The following PDSS2 variants were observed in gnomAD, a reference collection of about 807,000 sequenced individuals.
The protein encoded by PDSS2 is all trans-polyprenyl-diphosphate synthase PDSS2.
Under a neutral mutation model 44.5 loss-of-function variants are expected in PDSS2, and 31 were observed. That is an observed-to-expected ratio of 0.70 (90% CI 0.52 to 0.94). The LOEUF (loss-of-function observed/expected upper bound fraction) is 0.94. Ranked by LOEUF, PDSS2 falls within the 40% of genes least tolerant of loss-of-function variation. PDSS2 has a pLI of 0.00. For missense variants in PDSS2, 452 were observed against 482.2 expected, an observed-to-expected ratio of 0.94 and a Z score of 0.59; for synonymous variants, 157 against 180.3, an observed-to-expected ratio of 0.87 and a Z score of 1.03.
chr6:107,191,896 G>A (rs192767216), intron 7 of PDSS2, among the ~76,000 whole-genome samples: 129 of 152,306 alleles, frequency 8.5e-4, no homozygotes, highest in Non-Finnish European at 1.5e-3. Context: ...AGAGGTATGA[G>A]CCACTGCACC....
intron 3 of PDSS2, among the ~76,000 whole-genome samples, chr6:107,257,982 T>G (rs919600734): frequency 1.3e-5 from 2 of 152,230 alleles, no homozygotes; most frequent in African/African-American, 4.8e-5. Context: ...TTTTTTTGAA[T>G]TAACAATACT....
intron 2 of PDSS2, among the ~76,000 whole-genome samples, chr6:107,289,968 T>C (rs1231867282): frequency 1.3e-5 from 2 of 152,134 alleles, no homozygotes; most frequent in Non-Finnish European, 2.9e-5. Flanking sequence ...AAAAATGTTT[T>C]TTGTAGAGAC....
At chr6:107,351,777 A>G (rs939368809) in intron 1 of PDSS2, among the ~76,000 whole-genome samples, 2 of 152,182 alleles carry the variant, frequency 1.3e-5, no homozygotes, top group Non-Finnish European at 2.9e-5. Flanking sequence ...TTTCCAAAAA[A>G]GCTATTATTC....
chr6:107,241,736 T>C (rs1468327010), intron 4 of PDSS2, among the ~76,000 whole-genome samples: 1 of 152,206 alleles, frequency 6.6e-6, no homozygotes, highest in East Asian at 1.9e-4. Context: ...CTTAGTCACA[T>C]ATATGCTATT....
At chr6:107,456,545 A>G (rs775262539) in intron 1 of PDSS2, among the ~76,000 whole-genome samples, 1 of 152,178 alleles carries the variant, frequency 6.6e-6, no homozygotes, top group Non-Finnish European at 1.5e-5. Context: ...AAAAATAACA[A>G]TGTAATTTTA....
intron 4 of PDSS2, among the ~76,000 whole-genome samples, chr6:107,232,661 T>C (rs1774089935): frequency 1.3e-5 from 2 of 152,174 alleles, no homozygotes; most frequent in Admixed American, 1.3e-4. Flanking sequence ...ATAGTTGGCC[T>C]CTCCACTGAG....
At chr6:107,360,415 A>G in intron 1 of PDSS2, among the ~76,000 whole-genome samples, 1 of 152,318 alleles carries the variant, frequency 6.6e-6, no homozygotes, top group Admixed American at 6.5e-5. Context: ...ACTAAGAGAG[A>G]AAAGATGGAA....
At chr6:107,275,178 C>CT (rs1322674714) in intron 2 of PDSS2, among the ~76,000 whole-genome samples, 1 of 152,140 alleles carries the variant, frequency 6.6e-6, no homozygotes, top group African/African-American at 2.4e-5. Context: ...ATGTTTGTTC[C>CT]TTTTTTATAC....
chr6:107,298,382 C>T (rs144368876), intron 2 of PDSS2, among the ~76,000 whole-genome samples: 446 of 152,216 alleles, frequency 2.9e-3, no homozygotes, highest in African/African-American at 0.01. Context: ...ATAGCATCTA[C>T]ATTTTACTAG....
chr6:107,383,298 CAAAAAAAAAAAA>C (rs35910650), intron 1 of PDSS2, among the ~76,000 whole-genome samples: 6 of 28,430 alleles, frequency 2.1e-4, no homozygotes, highest in African/African-American at 3.4e-4. Flanking sequence ...GACTCCATCT[CAAAAAAAAAAAA>C]AAAAAAAAAA....
chr6:107,246,425 C>T (rs1393915132), intron 3 of PDSS2, among the ~76,000 whole-genome samples: 1 of 152,150 alleles, frequency 6.6e-6, no homozygotes, highest in Non-Finnish European at 1.5e-5. Context: ...CTCAAGGCAA[C>T]CCCATCCGCT....
chr6:107,271,061 AT>A (rs1174170257), intron 3 of PDSS2, among the ~76,000 whole-genome samples: 1 of 152,246 alleles, frequency 6.6e-6, no homozygotes, highest in Non-Finnish European at 1.5e-5. Flanking sequence ...AATATAAGTT[AT>A]GTTGCAGAGT....
rs1025541494 is a variant in PDSS2, at chr6:107,370,001, GA to G, written c.297-35670del. On this transcript the variant is annotated intron_variant, in intron 1 of 7. Transcript: ENST00000369037. ...GACAGAGTAAGATGTGTTTCGCAAA[GA>G]AAAAAAAAAAACTACAGAAAGAAAC... 7.7e-4 allele frequency among the ~76,000 whole-genome samples: 104 copies of G among 134,856 alleles called. 1 individual carries two copies. The highest frequency in any genetic ancestry group is 2.2e-3 in the African/African-American group (80 of 36,798). 88.5% of individuals were successfully genotyped at this position (134,856 alleles called of 152,430 possible).
At chr6:107,404,800 A>G (rs1043279863) in intron 1 of PDSS2, among the ~76,000 whole-genome samples, 1 of 152,206 alleles carries the variant, frequency 6.6e-6, no homozygotes, top group African/African-American at 2.4e-5. Flanking sequence ...CAGCCAAACC[A>G]TATTACATAG....
intron 1 of PDSS2, among the ~76,000 whole-genome samples, chr6:107,436,673 G>C (rs747986960): frequency 2.4e-4 from 37 of 152,130 alleles, no homozygotes; most frequent in Non-Finnish European, 4.4e-5. Context: ...ACTGTAGGAT[G>C]ACTATAGTTA....
intron 1 of PDSS2, among the ~76,000 whole-genome samples, chr6:107,405,694 A>C (rs1218955218): frequency 1.3e-5 from 2 of 151,854 alleles, no homozygotes; most frequent in African/African-American, 4.8e-5. Flanking sequence ...AAAAATACAA[A>C]AAATTAGCCG....
At chr6:107,340,538 G>C (rs975646001) in intron 1 of PDSS2, among the ~76,000 whole-genome samples, 1 of 152,148 alleles carries the variant, frequency 6.6e-6, no homozygotes, top group Non-Finnish European at 1.5e-5. Flanking sequence ...CGTATGAAGG[G>C]TATACAAAGA....
At chr6:107,232,822 A>G (rs1277150725) in intron 4 of PDSS2, among the ~76,000 whole-genome samples, 1 of 151,900 alleles carries the variant, frequency 6.6e-6, no homozygotes, top group East Asian at 1.9e-4. Flanking sequence ...TGATCCCAAC[A>G]AACTTCAATA....
At chr6:107,203,147 G>T (rs778536780) in intron 6 of PDSS2, among the ~76,000 whole-genome samples, 1 of 152,124 alleles carries the variant, frequency 6.6e-6, no homozygotes, top group South Asian at 2.1e-4. Flanking sequence ...CCAAGGCAAC[G>T]GCCATCAACC....
Sources: gnomAD v4.1 joint callset for allele counts (sites outside exome capture counted in the v4.1 genomes callset) on GRCh38, gnomAD v4.1.1 for gene constraint, MANE v1.5 for transcripts, NCBI Gene and HGNC (gene_info 2026-07-23, HGNC 2026-07-21) for gene names.